ARHGAP28: variants seen among roughly 807,000 people sequenced by gnomAD.
ARHGAP28 encodes the protein Rho GTPase activating protein 28.
ARHGAP28 carries 56 observed loss-of-function variants against 90.7 expected under a neutral mutation model. The ratio of observed to expected loss-of-function variants is 0.62; its 90% CI spans 0.50 to 0.77. The LOEUF is 0.77. Among genes scored for constraint, ARHGAP28 ranks in the 30% least tolerant of loss-of-function variants. The pLI is 0.00. For missense variants in ARHGAP28, 869 were observed against 900.9 expected, an observed-to-expected ratio of 0.96 and a Z score of 0.45; for synonymous variants, 308 against 323.3, an observed-to-expected ratio of 0.95 and a Z score of 0.51.
chr18:6,733,843 AC>A (rs1156721866), intron 1 of ARHGAP28, among the ~76,000 whole-genome samples: 4 of 152,230 alleles, frequency 2.6e-5, no homozygotes, highest in Admixed American at 2.6e-4. Context: ...CAACAAAAAA[AC>A]ATTCTCAGCT....
At chr18:6,840,717 A>G (rs2056800794) in intron 3 of ARHGAP28, among the ~76,000 whole-genome samples, 1 of 152,096 alleles carries the variant, frequency 6.6e-6, no homozygotes, top group Admixed American at 6.6e-5. Flanking sequence ...GAGAGAATTG[A>G]GAATGGGGAC....
intron 16 of ARHGAP28, chr18:6,898,717 A>G: frequency 7.2e-7 from 1 of 1,381,882 alleles, no homozygotes; most frequent in Non-Finnish European, 9.4e-7. Flanking sequence ...ATGTATTAGA[A>G]CTAATGACTG....
chr18:6,897,684 A>G (rs2057314214), intron 16 of ARHGAP28: 1 of 152,224 alleles, frequency 6.6e-6, no homozygotes, highest in South Asian at 2.1e-4. Context: ...AACATATTGC[A>G]TGATTCCACT....
rs568638385 is a variant in ARHGAP28 at position 6,892,283 on chromosome 18, G to A, written c.1848+1740G>A. On this transcript the variant is annotated intron_variant, in intron 14 of 17. Coordinates refer to ENST00000383472, the MANE Select transcript of ARHGAP28 (RefSeq NM_001366230.1). ...CCTGCCTCAGCCTCCCAGGTAGCTGGGATTACAGGTGCCTGCCATCATGCC... is the reference window on the plus strand; with the variant it reads ...CCTGCCTCAGCCTCCCAGGTAGCTGAGATTACAGGTGCCTGCCATCATGCC... 1.3e-5 allele frequency among the ~76,000 whole-genome samples: 2 copies of A among 152,126 alleles called. 1 individual carries two copies. The highest frequency in any genetic ancestry group is 4.2e-4 in the South Asian group (2 of 4,796).
chr18:6,877,083 CAAA>C (rs148676285), intron 10 of ARHGAP28, among the ~76,000 whole-genome samples: 1,804 of 152,184 alleles, frequency 0.012, 26 homozygotes, highest in African/African-American at 0.041. Context: ...TAATGTTTAT[CAAA>C]AAGACATTTG....
intron 1 of ARHGAP28, among the ~76,000 whole-genome samples, chr18:6,806,136 C>T (rs986634053): frequency 1.3e-5 from 2 of 152,080 alleles, no homozygotes; most frequent in African/African-American, 2.4e-5. Flanking sequence ...TCAGGCAGTC[C>T]GCCTGCCTCA....
intron 3 of ARHGAP28, among the ~76,000 whole-genome samples, chr18:6,842,219 G>A (rs2056833020): frequency 6.6e-6 from 1 of 152,060 alleles, no homozygotes; most frequent in South Asian, 2.1e-4. Context: ...CAGTTGCGGT[G>A]GCACGTACCT....
intron 10 of ARHGAP28, among the ~76,000 whole-genome samples, chr18:6,878,994 T>C (rs1371823038): frequency 6.6e-6 from 1 of 152,186 alleles, no homozygotes; most frequent in Non-Finnish European, 1.5e-5. Flanking sequence ...GGTCCGCTAG[T>C]GTATCATTAC....
At chr18:6,828,596 TG>T (rs2143807823) in intron 2 of ARHGAP28, among the ~76,000 whole-genome samples, 1 of 152,354 alleles carries the variant, frequency 6.6e-6, no homozygotes, top group South Asian at 2.1e-4. Flanking sequence ...AGTTAATTTT[TG>T]TATGTGGTGA....
intron 1 of ARHGAP28, among the ~76,000 whole-genome samples, chr18:6,741,037 C>A (rs1289696071): frequency 1.3e-5 from 2 of 152,082 alleles, no homozygotes; most frequent in Non-Finnish European, 2.9e-5. Context: ...AAGGTGGTGT[C>A]GATTATGAGA....
chr18:6,781,035 A>G (rs1430196280), intron 1 of ARHGAP28, among the ~76,000 whole-genome samples: 3 of 152,236 alleles, frequency 2.0e-5, no homozygotes, highest in African/African-American at 4.8e-5. Context: ...GAAAAGCTCC[A>G]TCTAGTCACA....
chr18:6,839,808 T>A (rs1472666879), intron 3 of ARHGAP28, among the ~76,000 whole-genome samples: 1 of 152,244 alleles, frequency 6.6e-6, no homozygotes, highest in Non-Finnish European at 1.5e-5. Context: ...TCTAATTGAT[T>A]AATACCTTTG....
chr18:6,752,351 T>C (rs2056076416), intron 1 of ARHGAP28, among the ~76,000 whole-genome samples: 1 of 152,220 alleles, frequency 6.6e-6, no homozygotes, highest in Non-Finnish European at 1.5e-5. Context: ...TTATAAATTA[T>C]TGGGAACTCA....
At chr18:6,906,612 C>T (rs1425200477) in intron 16 of ARHGAP28, among the ~76,000 whole-genome samples, 2 of 152,172 alleles carry the variant, frequency 1.3e-5, no homozygotes, top group African/African-American at 4.8e-5. Context: ...CTAAACCTCA[C>T]ACCTATTCAA....
Position 6,873,530 on chromosome 18 carries a change from G to A in ARHGAP28, c.1076G>A (p.Gly359Glu). The A allele has an allele frequency of 6.2e-7, 1 of 1,613,900 alleles. No individual in the cohort carries two copies. The highest frequency in any genetic ancestry group is 1.3e-5 in the African/African-American group (1 of 74,988). ...IELTAFFDAF[G>E]IQLKRNKTEK... ...TTGACTGCCTTTTTTGATGCCTTTG[G>A]AATTCAACTGAAAAGGAACAAAACA... is the stretch of plus-strand genomic sequence containing the variant. The change falls in exon 8 of 18, where the codon GGA becomes GAA. Residue 359 changes from glycine (G) to glutamate (E), a missense_variant. Gly to Glu is a moderately conservative substitution (Grantham distance 98). Coordinates refer to ENST00000383472, the MANE Select transcript of ARHGAP28 (RefSeq NM_001366230.1).
At chr18:6,863,943 C>T (rs1039374219) in intron 5 of ARHGAP28, among the ~76,000 whole-genome samples, 4 of 151,828 alleles carry the variant, frequency 2.6e-5, no homozygotes, top group Non-Finnish European at 5.9e-5. Flanking sequence ...CCACCACACC[C>T]AGCTAATTTT....
At chr18:6,818,102 C>G (rs1289562898) in intron 1 of ARHGAP28, among the ~76,000 whole-genome samples, 1 of 152,160 alleles carries the variant, frequency 6.6e-6, no homozygotes, top group African/African-American at 2.4e-5. Flanking sequence ...TGTATTCACT[C>G]CTCGTAACAG....
intron 2 of ARHGAP28, among the ~76,000 whole-genome samples, chr18:6,831,471 G>GTTTTTTTTTTTTTTT (rs57331018): frequency 1.8e-4 from 20 of 109,300 alleles, no homozygotes; most frequent in African/African-American, 3.5e-4. Context: ...GTATCTTGAT[G>GTTTTTTTTTTTTTTT]TTTTTTTTTT....
chr18:6,827,564 G>A (rs1272165462), intron 2 of ARHGAP28, among the ~76,000 whole-genome samples: 8 of 140,920 alleles, frequency 5.7e-5, no homozygotes, highest in African/African-American at 1.1e-4. Context: ...CCTCCCTCCC[G>A]GACGGGGCGA....
Sources: gnomAD v4.1 joint callset for allele counts (sites outside exome capture counted in the v4.1 genomes callset) on GRCh38, gnomAD v4.1.1 for gene constraint, MANE v1.5 for transcripts, NCBI Gene and HGNC (gene_info 2026-07-23, HGNC 2026-07-21) for gene names.